The following MYT1L variants were observed in gnomAD, a reference collection of about 807,000 sequenced individuals.
MYT1L encodes myelin transcription factor 1 like.
A neutral mutation model predicts 126.7 loss-of-function variants in MYT1L; 12 were observed. The observed-to-expected ratio is 0.09, with a 90% CI of 0.06 to 0.15. The LOEUF is 0.15. Among genes scored for constraint, MYT1L ranks in the 10% least tolerant of loss-of-function variants. The pLI is 1.00. For missense variants in MYT1L, 979 were observed against 1,585.2 expected, an observed-to-expected ratio of 0.62 and a Z score of 6.49; for synonymous variants, 541 against 604.2, an observed-to-expected ratio of 0.90 and a Z score of 1.53.
At chr2:1,945,338 C>T (rs1252490882) in intron 8 of MYT1L, among the ~76,000 whole-genome samples, 1 of 152,204 alleles carries the variant, frequency 6.6e-6, no homozygotes, top group Non-Finnish European at 1.5e-5. Flanking sequence ...GAGCAGAAGA[C>T]AGCCAGCGCC....
intron 14 of MYT1L, chr2:1,902,785 AG>A (rs2050520442): frequency 2.5e-6 from 1 of 398,814 alleles, no homozygotes; most frequent in South Asian, 2.7e-5. Context: ...GTACCACAAA[AG>A]ACAATAAGCC....
At chr2:2,323,712 A>T (rs2096207713) in intron 1 of MYT1L, among the ~76,000 whole-genome samples, 1 of 152,154 alleles carries the variant, frequency 6.6e-6, no homozygotes, top group Non-Finnish European at 1.5e-5. Flanking sequence ...TCTGAAAAGA[A>T]CTCAGAGTAT....
chr2:2,254,079 C>T (rs2094738459), intron 2 of MYT1L, among the ~76,000 whole-genome samples: 1 of 152,104 alleles, frequency 6.6e-6, no homozygotes, highest in Non-Finnish European at 1.5e-5. Flanking sequence ...TGCACCGTGG[C>T]CGTGGCGTTA....
chr2:2,284,015 G>A (rs1389884810), intron 2 of MYT1L, among the ~76,000 whole-genome samples: 3 of 152,170 alleles, frequency 2.0e-5, no homozygotes, highest in African/African-American at 7.2e-5. Context: ...TGAAGGAGTA[G>A]GAGTGGGAGG....
At chr2:2,174,775 T>A (rs1244307035) in intron 2 of MYT1L, among the ~76,000 whole-genome samples, 2 of 152,142 alleles carry the variant, frequency 1.3e-5, no homozygotes, top group African/African-American at 4.8e-5. Context: ...TGTTATTGAT[T>A]GTATGGACTG....
intron 2 of MYT1L, among the ~76,000 whole-genome samples, chr2:2,179,454 G>C (rs1030779675): frequency 1.4e-4 from 21 of 152,162 alleles, no homozygotes; most frequent in Admixed American, 6.5e-5. Context: ...CTAAGAACAT[G>C]CCTCTGTTGT....
At chr2:2,006,283 C>T (rs1312167162) in intron 4 of MYT1L, among the ~76,000 whole-genome samples, 3 of 152,186 alleles carry the variant, frequency 2.0e-5, no homozygotes, top group Non-Finnish European at 2.9e-5. Context: ...ATGTTTACAA[C>T]ATGTTGATAT....
At chr2:2,043,266 A>G (rs2067758273) in intron 4 of MYT1L, among the ~76,000 whole-genome samples, 1 of 152,234 alleles carries the variant, frequency 6.6e-6, no homozygotes. Flanking sequence ...CCCTTGTATT[A>G]AATGTAGTCA....
rs2048319309 is a variant in MYT1L at position 1,887,611 on chromosome 2, T to TGTGGGCAAAACACA, written c.2521-16_2521-3dup. The TGTGGGCAAAACACA allele has an allele frequency of 1.9e-6, 3 of 1,613,988 alleles. No homozygotes were observed. The highest frequency in any genetic ancestry group is 2.5e-6 in the Non-Finnish European group (3 of 1,179,880). ...CTGGAATGGGTCCAAGTCTTCTGGC[T>TGTGGGCAAAACACA]GTGGGCAAAACACAGCTTCAGAGCC... On this transcript the variant is annotated splice_polypyrimidine_tract_variant and splice_region_variant and intron_variant, in intron 16 of 24. Coordinates refer to ENST00000647738, the MANE Select transcript of MYT1L (RefSeq NM_001303052.2). The surrounding 1 kb of genome is among the most constrained non-coding windows in gnomAD (Gnocchi z 4.8).
At chr2:1,988,265 C>T (rs751555338) in intron 5 of MYT1L, among the ~76,000 whole-genome samples, 7 of 152,328 alleles carry the variant, frequency 4.6e-5, no homozygotes, top group South Asian at 2.1e-4. Context: ...GCCACATTCC[C>T]GCCTGCACCT....
intron 2 of MYT1L, among the ~76,000 whole-genome samples, chr2:2,212,942 G>C (rs1181874369): frequency 1.3e-5 from 2 of 152,166 alleles, no homozygotes; most frequent in Non-Finnish European, 2.9e-5. Context: ...CTGGCCATCT[G>C]TCTTTCATGA....
Position 2,228,706 on chromosome 2 carries a change from C to T in MYT1L, c.-421+55698G>A, listed in dbSNP as rs2094082906. On this transcript the variant is annotated intron_variant, in intron 2 of 24. Coordinates refer to ENST00000647738, the MANE Select transcript of MYT1L (RefSeq NM_001303052.2). The surrounding 1 kb of genome is among the most constrained non-coding windows in gnomAD (Gnocchi z 5.9). ...TTAGCAGGTATAAAAAGGTTTCAAC[C>T]TTAATATTACAGAGAAGAGCTATAA... Among the ~76,000 whole-genome samples, 3 of 151,954 alleles carry T rather than the reference C, an allele frequency of 2.0e-5. No individual in the cohort carries two copies. In the South Asian group the frequency reaches 6.2e-4, roughly 31 times the overall value.
intron 21 of MYT1L, among the ~76,000 whole-genome samples, chr2:1,819,132 C>T (rs572015531): frequency 1.3e-5 from 2 of 152,208 alleles, no homozygotes; most frequent in African/African-American, 4.8e-5. Context: ...GGGAGTCCAC[C>T]TGCCTCCTGC....
At position 2,097,660 on chromosome 2, in the gene MYT1L, C is replaced by T. The variant is rs547989606; in HGVS notation, c.-303-43537G>A. Among the ~76,000 whole-genome samples the T allele has an allele frequency of 1.8e-4, 27 of 152,260 alleles. No individual in the cohort carries two copies. The South Asian group carries it at 5.4e-3, about 30-fold the overall frequency. ...TGCATCTCTGTGTCCATGAGACTTACCTAAGTTCACAGCGATCGAGAGGAG... is the reference window on the plus strand; with the variant it reads ...TGCATCTCTGTGTCCATGAGACTTATCTAAGTTCACAGCGATCGAGAGGAG... On this transcript the variant is annotated intron_variant, in intron 3 of 24. Coordinates refer to ENST00000647738, the MANE Select transcript of MYT1L (RefSeq NM_001303052.2).
intron 13 of MYT1L, among the ~76,000 whole-genome samples, chr2:1,907,715 G>A (rs545797908): frequency 1.2e-4 from 19 of 152,368 alleles, no homozygotes; most frequent in African/African-American, 3.8e-4. Flanking sequence ...TTTTTGAATC[G>A]TAACTAGTTA....
At chr2:2,230,946 G>A (rs1009733327) in intron 2 of MYT1L, among the ~76,000 whole-genome samples, 5 of 152,134 alleles carry the variant, frequency 3.3e-5, no homozygotes, top group Admixed American at 2.0e-4. Context: ...ACTGTGAGAC[G>A]GCTGTTCAGG....
intron 2 of MYT1L, among the ~76,000 whole-genome samples, chr2:2,178,013 T>C (rs1319334736): frequency 5.3e-5 from 8 of 152,208 alleles, no homozygotes. Flanking sequence ...TTTCACTTTT[T>C]ACTGCAAATA....
intron 1 of MYT1L, among the ~76,000 whole-genome samples, chr2:2,305,745 G>A (rs1399046816): frequency 2.6e-5 from 4 of 152,130 alleles, no homozygotes; most frequent in Non-Finnish European, 5.9e-5. Context: ...GCATCTTCAC[G>A]TGGTGGAAGG....
At chr2:1,914,374 T>G (rs916423328) in intron 11 of MYT1L, among the ~76,000 whole-genome samples, 1 of 152,108 alleles carries the variant, frequency 6.6e-6, no homozygotes, top group Non-Finnish European at 1.5e-5. Context: ...TTTCTCTGAT[T>G]TTCCTCCACC....
Sources: gnomAD v4.1 joint callset for allele counts (sites outside exome capture counted in the v4.1 genomes callset) on GRCh38, gnomAD v4.1.1 for gene constraint, Gnocchi (gnomAD v3.1) non-coding constraint, MANE v1.5 for transcripts, NCBI Gene and HGNC (gene_info 2026-07-23, HGNC 2026-07-21) for gene names.